Variants in UTRN observed in about 807,000 individuals in gnomAD.
UTRN encodes the protein utrophin, also known as dystrophin-related protein 1.
Under a neutral mutation model 463.9 loss-of-function variants are expected in UTRN, and 283 were observed. The observed-to-expected ratio is 0.61, with a 90% CI of 0.55 to 0.67. The LOEUF is 0.67. Among genes scored for constraint, UTRN ranks in the 30% least tolerant of loss-of-function variants. The pLI, the probability that UTRN is intolerant of heterozygous loss-of-function variation, is 0.00. For synonymous variants in UTRN, 1,442 were observed against 1,431.5 expected (o/e 1.01, Z -0.17); for missense variants, 3,922 against 4,084.3 (o/e 0.96, Z 1.08).
intron 3 of UTRN, among the ~76,000 whole-genome samples, chr6:144,419,386 T>A (rs1433903969): frequency 6.6e-6 from 1 of 152,174 alleles, no homozygotes; most frequent in Non-Finnish European, 1.5e-5. Flanking sequence ...TAAGTAACAG[T>A]GTATTCTTTA....
At chr6:144,489,160 C>T (rs1289157457) in intron 30 of UTRN, among the ~76,000 whole-genome samples, 2 of 152,082 alleles carry the variant, frequency 1.3e-5, no homozygotes, top group Admixed American at 1.3e-4. Context: ...AGTGACTCTC[C>T]TGCCTCAGCC....
intron 51 of UTRN, among the ~76,000 whole-genome samples, chr6:144,627,311 C>T (rs569168753): frequency 6.6e-6 from 1 of 152,256 alleles, no homozygotes; most frequent in Non-Finnish European, 1.5e-5. Context: ...ATAGCTGTTA[C>T]ATTCATTTAT....
intron 1 of UTRN, among the ~76,000 whole-genome samples, chr6:144,287,216 TG>T (rs1803774063): frequency 6.6e-6 from 1 of 152,162 alleles, no homozygotes; most frequent in Admixed American, 6.5e-5. Flanking sequence ...CGGACAGGGT[TG>T]GCGTGGAACC....
chr6:144,431,450 T>C (rs759401833), intron 9 of UTRN, among the ~76,000 whole-genome samples: 7 of 152,240 alleles, frequency 4.6e-5, no homozygotes, highest in Non-Finnish European at 1.0e-4. Flanking sequence ...GTTTTAATCA[T>C]CTCTCTGACA....
chr6:144,516,513 T>C (rs1294410994), intron 38 of UTRN, 126 bp downstream of exon 38: 2 of 1,141,216 alleles, frequency 1.8e-6, no homozygotes, highest in Non-Finnish European at 1.2e-6. Context: ...AATGTGATTT[T>C]TTGATGTGTG....
At chr6:144,749,372 C>T (rs996601141) in intron 55 of UTRN, among the ~76,000 whole-genome samples, 1 of 152,094 alleles carries the variant, frequency 6.6e-6, no homozygotes, top group African/African-American at 2.4e-5. Flanking sequence ...CTAAAATTAT[C>T]ATTAATCGTT....
At chr6:144,730,550 A>G in intron 54 of UTRN, 64 bp downstream of exon 54, 1 of 1,452,024 alleles carries the variant, frequency 6.9e-7, no homozygotes, top group Non-Finnish European at 9.1e-7. Flanking sequence ...ACCCAAAATC[A>G]AGTAGGAAAT....
chr6:144,561,252 T>C (rs796421786), intron 50 of UTRN, among the ~76,000 whole-genome samples: 9,063 of 47,822 alleles, frequency 0.19, 1,330 homozygotes, highest in East Asian at 0.63. Flanking sequence ...TATATATATA[T>C]ATATATATAC....
At chr6:144,343,411 A>ACACAC (rs1562270899) in intron 2 of UTRN, among the ~76,000 whole-genome samples, 5 of 126,218 alleles carry the variant, frequency 4.0e-5, no homozygotes, top group African/African-American at 1.8e-4. Context: ...CACACACACA[A>ACACAC]TAGCCGGGCA....
At chr6:144,840,383 A>AT (rs201855091) in intron 72 of UTRN, among the ~76,000 whole-genome samples, 328 of 151,978 alleles carry the variant, frequency 2.2e-3, no homozygotes, top group African/African-American at 7.5e-3. Flanking sequence ...AATTGGTGAA[A>AT]TTTTTTTTGT....
intron 2 of UTRN, among the ~76,000 whole-genome samples, chr6:144,345,467 G>C (rs904086338): frequency 1.3e-5 from 2 of 152,078 alleles, no homozygotes; most frequent in African/African-American, 4.8e-5. Flanking sequence ...TTGAGGCCTG[G>C]AGTTCGAGAC....
rs1407645602 is a variant in UTRN at position 144,479,792 on chromosome 6, G to C, written c.3337-20G>C. ...CACATTAACATTTGTTTATTTGGGG[G>C]AATGGCTTTTCCTTTGTAGATCGCT... On this transcript the variant is annotated intron_variant, in intron 25 of 74. Transcript: ENST00000367545. 19 of 1,602,150 alleles carry C rather than the reference G, an allele frequency of 1.2e-5. No individual in the cohort carries two copies. In the Admixed American group the frequency reaches 2.9e-4, roughly 25 times the overall value.
At chr6:144,295,022 A>G (rs1804559759) in intron 2 of UTRN, among the ~76,000 whole-genome samples, 1 of 152,222 alleles carries the variant, frequency 6.6e-6, no homozygotes, top group African/African-American at 2.4e-5. Context: ...GTCTTTCTCT[A>G]ACTTAAAAGC....
intron 49 of UTRN, 62 bp from the exon 50 acceptor site, chr6:144,557,095 T>A: frequency 6.4e-7 from 1 of 1,554,440 alleles, no homozygotes; most frequent in Non-Finnish European, 8.7e-7. Context: ...AGTACCATTG[T>A]TTTGATTATA....
intron 51 of UTRN, among the ~76,000 whole-genome samples, chr6:144,581,907 A>G (rs915357802): frequency 2.6e-5 from 4 of 152,174 alleles, no homozygotes; most frequent in African/African-American, 9.7e-5. Flanking sequence ...TCTATTTGCC[A>G]AATACCTTAA....
Position 144,525,092 on chromosome 6 carries a change from G to A in UTRN, c.5906+1904G>A, listed in dbSNP as rs928676102. ...TTTGATATACTATTGGATTCAGTTA[G>A]CTAGTATTTTGTTGAGGATTTTTGC... On this transcript the variant is annotated intron_variant, in intron 41 of 74. Transcript: ENST00000367545. 2.5e-4 allele frequency among the ~76,000 whole-genome samples: 38 copies of A among 152,188 alleles called. 2 individuals carry two copies. Among genetic ancestry groups the A allele is most frequent in the Admixed American group, 2.0e-3 (30 of 15,276 alleles).
Position 144,426,468 on chromosome 6 carries a change from T to A in UTRN, c.578+9T>A. The A allele has an allele frequency of 1.9e-6, 3 of 1,612,270 alleles. No homozygotes were observed. Among genetic ancestry groups the A allele is most frequent in the Non-Finnish European group, 2.5e-6 (3 of 1,179,132 alleles). On this transcript the variant is annotated intron_variant, in intron 7 of 74. Transcript: ENST00000367545. ...GTCCTCCACCGACATAAGTGAGACA[T>A]TACTCTATCTAGAAGTGGGCTTTAC... is the stretch of plus-strand genomic sequence containing the variant.
At chr6:144,564,050 A>G (rs562324550) in intron 50 of UTRN, among the ~76,000 whole-genome samples, 1 of 152,302 alleles carries the variant, frequency 6.6e-6, no homozygotes, top group Non-Finnish European at 1.5e-5. Context: ...TTAAACAAGT[A>G]TTTATTTAGC....
At chr6:144,337,021 G>A (rs1199582532) in intron 2 of UTRN, among the ~76,000 whole-genome samples, 1 of 152,064 alleles carries the variant, frequency 6.6e-6, no homozygotes, top group Non-Finnish European at 1.5e-5. Flanking sequence ...GCAGATCGCT[G>A]TCAGCCACTG....
Sources: gnomAD v4.1 joint callset for allele counts (sites outside exome capture counted in the v4.1 genomes callset) on GRCh38, gnomAD v4.1.1 for gene constraint, MANE v1.5 for transcripts, NCBI Gene and HGNC (gene_info 2026-07-23, HGNC 2026-07-21) for gene names.